GABRB1: variants seen among roughly 807,000 people sequenced by gnomAD.
The protein encoded by GABRB1 is gamma-aminobutyric acid receptor subunit beta-1.
In GABRB1, 17 loss-of-function variants were observed where a neutral mutation model predicts 51.6. The observed-to-expected ratio is 0.33, with a 90% CI of 0.23 to 0.49. The LOEUF is 0.49. GABRB1 is among the 20% of genes least tolerant of loss of function. The pLI, the probability that GABRB1 is intolerant of heterozygous loss-of-function variation, is 0.99. For missense variants in GABRB1, 410 were observed against 600.6 expected, an observed-to-expected ratio of 0.68 and a Z score of 3.32; for synonymous variants, 247 against 218.9, an observed-to-expected ratio of 1.13 and a Z score of -1.14.
chr4:47,426,056 T>C lies in GABRB1; in HGVS notation c.*38T>C, dbSNP rs775033184. ...TGGTTCCATTTAGACTACTTTCCTC[T>C]TCTATTGTTTTTTAACCTTACAGGT... On this transcript the variant is annotated 3_prime_UTR_variant, in exon 9 of 9. Transcript: ENST00000295454. The C allele has an allele frequency of 6.8e-5, 100 of 1,472,740 alleles. No individual in the cohort carries two copies. The highest frequency in any genetic ancestry group is 8.6e-5 in the Non-Finnish European group (94 of 1,095,488). The allele number at this position is 1,472,740 out of a possible 1,614,324, so 91.2% of individuals were successfully genotyped here. A position where few individuals can be genotyped will look rare whatever the true frequency, so the allele number is the denominator to read the frequency against.
intron 4 of GABRB1, among the ~76,000 whole-genome samples, chr4:47,175,338 T>C (rs1232666118): frequency 6.6e-6 from 1 of 152,116 alleles, no homozygotes; most frequent in African/African-American, 2.4e-5. Flanking sequence ...ATTACAAGCA[T>C]GAATCATCAC....
chr4:47,261,174 C>A (rs1347764878), intron 4 of GABRB1, among the ~76,000 whole-genome samples: 5 of 152,082 alleles, frequency 3.3e-5, no homozygotes, highest in East Asian at 1.9e-4. Flanking sequence ...ACTCCTATTC[C>A]ACATAGAGTT....
intron 5 of GABRB1, among the ~76,000 whole-genome samples, chr4:47,361,421 CAGGGTAGCTAAAGTCAGAGTG>C (rs1447278037): frequency 6.6e-6 from 1 of 152,024 alleles, no homozygotes; most frequent in African/African-American, 2.4e-5. Context: ...AAGCTGAAGC[CAGGGTAGCTAAAGTCAGAGTG>C]AGGGGAGCCT....
chr4:47,356,254 C>A (rs1726570578), intron 5 of GABRB1, among the ~76,000 whole-genome samples: 1 of 139,066 alleles, frequency 7.2e-6, no homozygotes, highest in African/African-American at 2.7e-5. Flanking sequence ...AAACTGACAG[C>A]TACTCCTTAA....
In GABRB1 at chr4:47,161,416, G is replaced by A. The variant is rs145050185; in HGVS notation, c.408G>A (p.Val136=). 167 of 1,612,526 alleles carry A rather than the reference G, an allele frequency of 1.0e-4. No individual in the cohort carries two copies. The highest frequency in any genetic ancestry group is 1.6e-4 in the Middle Eastern group (1 of 6,070). Reference sequence around the variant, plus strand: ...AATCATTTGTGCATGGGGTCACAGTGAAAAATCGAATGATTCGACTGCATC... The same window carrying A: ...AATCATTTGTGCATGGGGTCACAGTAAAAAATCGAATGATTCGACTGCATC... ...DKKSFVHGVT[V]KNRMIRLHPD... Residue 136 remains valine, a synonymous_variant, in exon 4 of 9, where the codon GTG becomes GTA. Transcript: ENST00000295454.
intron 5 of GABRB1, among the ~76,000 whole-genome samples, chr4:47,347,822 T>G (rs1313636800): frequency 6.6e-6 from 1 of 152,108 alleles, no homozygotes; most frequent in Non-Finnish European, 1.5e-5. Flanking sequence ...ATAATGACAA[T>G]GAAGATGATG....
At chr4:47,227,610 A>G (rs771480814) in intron 4 of GABRB1, among the ~76,000 whole-genome samples, 5 of 152,144 alleles carry the variant, frequency 3.3e-5, no homozygotes, top group African/African-American at 1.2e-4. Context: ...CTTAAGTCAA[A>G]CCAACAGAGT....
chr4:47,340,203 C>T (rs1725832695), intron 5 of GABRB1, among the ~76,000 whole-genome samples: 1 of 151,908 alleles, frequency 6.6e-6, no homozygotes, highest in South Asian at 2.1e-4. Flanking sequence ...CAGCCTGCAG[C>T]ACCCAAGCAA....
rs555142559 is a variant in GABRB1 at position 47,067,616 on chromosome 4, T to TTTA, written c.240+35148_240+35150dup. On this transcript the variant is annotated intron_variant, in intron 3 of 8. Coordinates refer to ENST00000295454, the MANE Select transcript of GABRB1 (RefSeq NM_000812.4). ...CCTTTTTTTCTGAGCATGAGTATATTTTATTATTATTATTATTACTATTAT... is the reference window on the plus strand; with the variant it reads ...CCTTTTTTTCTGAGCATGAGTATATTTTATTATTATTATTATTATTACTATTAT... Among the ~76,000 whole-genome samples, 321 of 151,848 alleles carry TTTA rather than the reference T, an allele frequency of 2.1e-3. 3 individuals are homozygous for TTTA. The highest frequency in any genetic ancestry group is 6.8e-3 in the Middle Eastern group (2 of 294).
Position 47,291,281 on chromosome 4 carries a change from G to A in GABRB1, c.462-28846G>A, listed in dbSNP as rs185942978. Among the ~76,000 whole-genome samples the A allele has an allele frequency of 3.2e-3, 481 of 152,296 alleles. 3 individuals are homozygous for A. In the Middle Eastern group the frequency reaches 0.044, roughly 14 times the overall value. ...GGTGTTGAGCCGGCGGGTGCACAGAGGTCAAGAATTGAGGTATGGGAACCT... is the reference window on the plus strand; with the variant it reads ...GGTGTTGAGCCGGCGGGTGCACAGAAGTCAAGAATTGAGGTATGGGAACCT... On this transcript the variant is annotated intron_variant, in intron 4 of 8. Transcript: ENST00000295454.
intron 4 of GABRB1, among the ~76,000 whole-genome samples, chr4:47,272,719 A>T (rs12651232): frequency 0.23 from 35,613 of 152,070 alleles, 4,994 homozygotes; most frequent in East Asian, 0.53. Flanking sequence ...ATCCCACTAC[A>T]TCCAAAATAT....
At chr4:47,172,296 T>A (rs1384078512) in intron 4 of GABRB1, among the ~76,000 whole-genome samples, 1 of 152,198 alleles carries the variant, frequency 6.6e-6, no homozygotes, top group Non-Finnish European at 1.5e-5. Context: ...TCAATCTAAG[T>A]AATCTGATTG....
intron 3 of GABRB1, among the ~76,000 whole-genome samples, chr4:47,123,622 T>G: frequency 1.5e-5 from 1 of 66,250 alleles, no homozygotes; most frequent in Non-Finnish European, 2.5e-5. Context: ...TATAATATAT[T>G]ATATATTATA....
intron 3 of GABRB1, among the ~76,000 whole-genome samples, chr4:47,035,565 T>TA (rs1725515824): frequency 6.6e-6 from 1 of 152,140 alleles, no homozygotes; most frequent in Non-Finnish European, 1.5e-5. Flanking sequence ...ACTGTCATCT[T>TA]AAAAAACCAC....
At chr4:47,351,581 C>T (rs1196865987) in intron 5 of GABRB1, among the ~76,000 whole-genome samples, 2 of 127,426 alleles carry the variant, frequency 1.6e-5, no homozygotes, top group Non-Finnish European at 3.3e-5. Flanking sequence ...CACAACAGTC[C>T]CCGGAGTGTG....
chr4:47,361,104 T>C (rs928588415), intron 5 of GABRB1, among the ~76,000 whole-genome samples: 4 of 152,082 alleles, frequency 2.6e-5, no homozygotes, highest in Admixed American at 2.6e-4. Context: ...GTAACCACCA[T>C]ATAATGAAGA....
At chr4:47,365,899 T>TGC (rs1313961791) in intron 5 of GABRB1, among the ~76,000 whole-genome samples, 1 of 152,166 alleles carries the variant, frequency 6.6e-6, no homozygotes, top group African/African-American at 2.4e-5. Context: ...TGCCTCAGGA[T>TGC]GCTTTGTTGT....
At chr4:47,019,311 T>G (rs2109449598) in intron 1 of GABRB1, among the ~76,000 whole-genome samples, 1 of 152,282 alleles carries the variant, frequency 6.6e-6, no homozygotes, top group South Asian at 2.1e-4. Flanking sequence ...TCTTTCTAGT[T>G]TCTTTTTGTC....
At chr4:47,191,754 G>A (rs1577988481) in intron 4 of GABRB1, among the ~76,000 whole-genome samples, 1 of 152,084 alleles carries the variant, frequency 6.6e-6, no homozygotes, top group East Asian at 1.9e-4. Context: ...CTTAGTTTCA[G>A]GGTCTTATAT....
Sources: allele counts gnomAD v4.1 joint callset (sites outside exome capture counted in the v4.1 genomes callset), GRCh38; gene constraint gnomAD v4.1.1; transcripts MANE v1.5; gene names NCBI Gene and HGNC (gene_info 2026-07-23, HGNC 2026-07-21).